Variants in EIF4G3 observed in about 807,000 individuals in gnomAD.
The protein encoded by EIF4G3 is eukaryotic translation initiation factor 4 gamma 3, also known as eIF-4-gamma 3.
A neutral mutation model predicts 186.4 loss-of-function variants in EIF4G3; 34 were observed. The ratio of observed to expected loss-of-function variants is 0.18; its 90% CI spans 0.14 to 0.24. The LOEUF is 0.24. Among genes scored for constraint, EIF4G3 ranks in the 10% least tolerant of loss-of-function variants. EIF4G3 has a pLI of 1.00. For missense variants in EIF4G3, 1,536 were observed against 1,948.5 expected (o/e 0.79, Z 3.99); for synonymous variants, 673 against 679.5 (o/e 0.99, Z 0.15).
chr1:21,067,510 A>T (rs2095289091), intron 3 of EIF4G3, among the ~76,000 whole-genome samples: 1 of 152,156 alleles, frequency 6.6e-6, no homozygotes, highest in Non-Finnish European at 1.5e-5. Context: ...AACAACAAGG[A>T]ATCCTAACTT....
intron 12 of EIF4G3, among the ~76,000 whole-genome samples, chr1:20,961,738 A>C (rs535505115): frequency 1.3e-5 from 2 of 152,320 alleles, no homozygotes; most frequent in East Asian, 3.9e-4. Flanking sequence ...CTTTTGAGAG[A>C]ATCCACCCCA....
chr1:21,082,884 A>C (rs71647185), intron 3 of EIF4G3, among the ~76,000 whole-genome samples: 4,067 of 151,322 alleles, frequency 0.027, 80 homozygotes, highest in Non-Finnish European at 0.037. Flanking sequence ...TAAAAATACA[A>C]AAAATTAGCC....
At chr1:20,956,631 A>AAC (rs2096432399) in intron 12 of EIF4G3, among the ~76,000 whole-genome samples, 1 of 151,756 alleles carries the variant, frequency 6.6e-6, no homozygotes, top group African/African-American at 2.4e-5. Flanking sequence ...AAAAAAAAAA[A>AAC]AAAAAACAAG....
chr1:21,127,746 AAT>A (rs912111678), intron 2 of EIF4G3, among the ~76,000 whole-genome samples: 25 of 152,224 alleles, frequency 1.6e-4, no homozygotes, highest in Admixed American at 3.9e-4. Flanking sequence ...CCCAGCACAA[AAT>A]ATGAGAAAAG....
chr1:21,018,353 G>A (rs1009984442), intron 4 of EIF4G3, among the ~76,000 whole-genome samples: 19 of 152,130 alleles, frequency 1.2e-4, no homozygotes, highest in African/African-American at 3.1e-4. Context: ...AGGCCGAGGC[G>A]GGCGGATCAC....
chr1:21,008,461 C>T (rs1355164487), intron 4 of EIF4G3, among the ~76,000 whole-genome samples: 3 of 151,994 alleles, frequency 2.0e-5, no homozygotes, highest in Non-Finnish European at 2.9e-5. Flanking sequence ...CTCAGCCTCC[C>T]GAGTAGCTGG....
chr1:21,063,576 T>A (rs2095047750), intron 3 of EIF4G3, among the ~76,000 whole-genome samples: 1 of 151,944 alleles, frequency 6.6e-6, no homozygotes, highest in Non-Finnish European at 1.5e-5. Flanking sequence ...AGGACAGAAA[T>A]CGGTGGTGCA....
At chr1:20,947,845 C>CAAAACA (rs2096037126) in intron 13 of EIF4G3, among the ~76,000 whole-genome samples, 1 of 152,048 alleles carries the variant, frequency 6.6e-6, no homozygotes, top group African/African-American at 2.4e-5. Flanking sequence ...TTCCACTAAG[C>CAAAACA]AAAACAAAAA....
chr1:21,048,840 C>T (rs2154576311), intron 4 of EIF4G3, among the ~76,000 whole-genome samples: 1 of 152,282 alleles, frequency 6.6e-6, no homozygotes, highest in South Asian at 2.1e-4. Flanking sequence ...AGCAGTCTCT[C>T]ACCTAAAACT....
intron 4 of EIF4G3, among the ~76,000 whole-genome samples, chr1:21,011,297 G>A (rs955894672): frequency 6.6e-5 from 10 of 151,168 alleles, no homozygotes; most frequent in Non-Finnish European, 1.3e-4. Context: ...TATTCTACAG[G>A]TAATTGACAA....
At chr1:20,886,522 T>TA (rs933618802) in intron 18 of EIF4G3, 151 bp from the exon 19 acceptor site, 38 of 612,218 alleles carry the variant, frequency 6.2e-5, no homozygotes, top group Middle Eastern at 4.2e-4. Flanking sequence ...TTTTTGGGGG[T>TA]AAAAAAAATA....
intron 15 of EIF4G3, among the ~76,000 whole-genome samples, chr1:20,900,939 A>G (rs1046411823): frequency 2.0e-5 from 3 of 152,212 alleles, no homozygotes; most frequent in Admixed American, 2.0e-4. Flanking sequence ...TTTGTTAGAT[A>G]GTATTAAAAC....
chr1:21,046,210 A>G (rs1051058317), intron 4 of EIF4G3, among the ~76,000 whole-genome samples: 3 of 152,254 alleles, frequency 2.0e-5, no homozygotes, highest in African/African-American at 7.2e-5. Flanking sequence ...GAAACTGAAA[A>G]GAATCTATGC....
At chr1:21,163,026 T>C (rs1409450030) in intron 2 of EIF4G3, among the ~76,000 whole-genome samples, 1 of 152,174 alleles carries the variant, frequency 6.6e-6, no homozygotes, top group African/African-American at 2.4e-5. Context: ...CAAACTCCTT[T>C]CCAGCTTAGA....
At chr1:20,892,581 A>C in intron 18 of EIF4G3, 9 of 1,289,602 alleles carry the variant, frequency 7.0e-6, no homozygotes, top group Non-Finnish European at 8.7e-6. Flanking sequence ...TTATAACACC[A>C]GAGACTATTA....
chr1:21,009,333 C>G (rs1283213152), intron 4 of EIF4G3, among the ~76,000 whole-genome samples: 1 of 152,004 alleles, frequency 6.6e-6, no homozygotes, highest in Non-Finnish European at 1.5e-5. Context: ...GCACATACCA[C>G]AATGCCTGAC....
intron 15 of EIF4G3, among the ~76,000 whole-genome samples, chr1:20,904,550 T>C (rs1162270703): frequency 6.6e-6 from 1 of 152,122 alleles, no homozygotes; most frequent in Non-Finnish European, 1.5e-5. Flanking sequence ...GGTCTCCTTA[T>C]GTTGCCCAGG....
chr1:21,068,923 T>A (rs528839161), intron 3 of EIF4G3, among the ~76,000 whole-genome samples: 1 of 152,220 alleles, frequency 6.6e-6, no homozygotes, highest in East Asian at 1.9e-4. Context: ...AACTGCTCCA[T>A]TGAGCATTTC....
intron 4 of EIF4G3, among the ~76,000 whole-genome samples, chr1:21,028,549 T>C (rs955296623): frequency 4.6e-5 from 7 of 152,234 alleles, no homozygotes; most frequent in African/African-American, 1.4e-4. Context: ...TTAAGGTGAG[T>C]GGTGGTTGGT....
Sources: allele counts gnomAD v4.1 joint callset (sites outside exome capture counted in the v4.1 genomes callset), GRCh38; gene constraint gnomAD v4.1.1; transcripts MANE v1.5; gene names NCBI Gene and HGNC (gene_info 2026-07-23, HGNC 2026-07-21).